Variants in TRAF3 observed in about 807,000 individuals in gnomAD.
TRAF3 encodes the protein TNF receptor associated factor 3.
Under a neutral mutation model 62.3 loss-of-function variants are expected in TRAF3, and 13 were observed. The observed-to-expected ratio is 0.21, with a 90% CI of 0.14 to 0.33. The LOEUF is 0.33. TRAF3 is among the 10% of genes least tolerant of loss of function. TRAF3 has a pLI of 1.00. For missense variants in TRAF3, 440 were observed against 741.8 expected (o/e 0.59, Z 4.73); for synonymous variants, 269 against 283.4 (o/e 0.95, Z 0.51).
chr14:102,806,973 C>T (rs1460317733), intron 1 of TRAF3, among the ~76,000 whole-genome samples: 2 of 152,134 alleles, frequency 1.3e-5, no homozygotes. Context: ...GGGAGCATTT[C>T]TTGGTCCCTC....
chr14:102,903,939 A>G lies in TRAF3; in HGVS notation c.1135+510A>G. ...GAGGATTAATGGCAGAAAGGAACACAGATTACCGGTGTGTGTGTGGGGCCG... is the reference window on the plus strand; with the variant it reads ...GAGGATTAATGGCAGAAAGGAACACGGATTACCGGTGTGTGTGTGGGGCCG... On this transcript the variant is annotated intron_variant, in intron 11 of 11. Coordinates refer to ENST00000392745, the MANE Select transcript of TRAF3 (RefSeq NM_145725.3). The surrounding 1 kb of genome is among the most constrained non-coding windows in gnomAD (Gnocchi z 6.4). 1 of 390,602 alleles carries G rather than the reference A, an allele frequency of 2.6e-6. No individual in the cohort carries two copies. Among genetic ancestry groups the G allele is most frequent in the South Asian group, 1.9e-5 (1 of 53,778 alleles). The allele number at this position is 390,602 out of a possible 1,614,324, so 24.2% of individuals were successfully genotyped here.
intron 1 of TRAF3, among the ~76,000 whole-genome samples, chr14:102,804,677 G>C (rs1201253960): frequency 3.9e-5 from 6 of 152,080 alleles, no homozygotes; most frequent in Non-Finnish European, 1.5e-5. Flanking sequence ...TGTAGCGACA[G>C]GGTTTTGCTA....
In TRAF3 at chr14:102,903,197, G is replaced by A; in HGVS notation, c.961-58G>A. 1 of 1,610,742 alleles carries A rather than the reference G, an allele frequency of 6.2e-7. No homozygotes were observed. Among genetic ancestry groups the A allele is most frequent in the Non-Finnish European group, 8.5e-7 (1 of 1,177,108 alleles). On this transcript the variant is annotated intron_variant, in intron 10 of 11. Coordinates refer to ENST00000392745, the MANE Select transcript of TRAF3 (RefSeq NM_145725.3). This position sits in a 1 kb window ranked among gnomAD's most constrained non-coding sequence, Gnocchi z 6.4. ...GCCTGTCTGTATTTGATGGAAGGTG[G>A]TGCAGCATTTTCCGAGTCCTAACTG...
chr14:102,844,218 G>C (rs1383379489), intron 2 of TRAF3, among the ~76,000 whole-genome samples: 1 of 152,228 alleles, frequency 6.6e-6, no homozygotes, highest in South Asian at 2.1e-4. Flanking sequence ...CTGAGTATGT[G>C]ATTGTATCAA....
intron 2 of TRAF3, among the ~76,000 whole-genome samples, chr14:102,844,345 G>C (rs549677071): frequency 6.6e-6 from 1 of 152,304 alleles, no homozygotes; most frequent in Admixed American, 6.5e-5. Context: ...AGCTATAGAT[G>C]GTTCACTTGG....
At chr14:102,809,965 G>A (rs929840122) in intron 1 of TRAF3, among the ~76,000 whole-genome samples, 29 of 152,272 alleles carry the variant, frequency 1.9e-4, no homozygotes, top group African/African-American at 6.3e-4. Flanking sequence ...CAAAAACGTT[G>A]GAGCACGGCA....
At chr14:102,790,629 G>A (rs932339003) in intron 1 of TRAF3, among the ~76,000 whole-genome samples, 5 of 152,126 alleles carry the variant, frequency 3.3e-5, no homozygotes, top group African/African-American at 1.2e-4. Context: ...TTACTATCAT[G>A]AGAACAGCAC....
intron 2 of TRAF3, among the ~76,000 whole-genome samples, chr14:102,869,673 G>A (rs939681193): frequency 4.0e-5 from 6 of 151,886 alleles, no homozygotes; most frequent in Admixed American, 3.3e-4. Flanking sequence ...AGGTGTGGTG[G>A]TGGCCGCCTG....
At chr14:102,778,938 T>C (rs996438921) in intron 1 of TRAF3, among the ~76,000 whole-genome samples, 9 of 152,244 alleles carry the variant, frequency 5.9e-5, no homozygotes, top group African/African-American at 2.2e-4. Context: ...TACAGCGTTC[T>C]TTTCTCAAAT....
Position 102,830,414 on chromosome 14 carries a change from A to ACCTGGCT in TRAF3, c.-59_-53dup, listed in dbSNP as rs1295190812. The stretch of plus-strand genomic sequence containing the variant: ...GTCAGAATCAGACCTAGGATCAGAA[A>ACCTGGCT]CCTGGCTCCTGGCTCCTGGCTCCCT... On this transcript the variant is annotated 5_prime_UTR_variant, in exon 2 of 12. Coordinates refer to ENST00000392745, the MANE Select transcript of TRAF3 (RefSeq NM_145725.3). 6.6e-6 allele frequency: 1 copy of ACCTGGCT among 152,126 alleles called. No individual in the cohort carries two copies. The highest frequency in any genetic ancestry group is 2.4e-5 in the African/African-American group (1 of 41,410). The allele number at this position is 152,126 out of a possible 1,614,324, so 9.4% of individuals were successfully genotyped here.
intron 2 of TRAF3, among the ~76,000 whole-genome samples, chr14:102,853,298 A>G (rs1209255451): frequency 6.6e-6 from 1 of 151,852 alleles, no homozygotes; most frequent in Non-Finnish European, 1.5e-5. Context: ...TGACCTCCCA[A>G]AGTGCTGGGA....
intron 8 of TRAF3, among the ~76,000 whole-genome samples, chr14:102,890,312 A>G (rs1364835339): frequency 6.6e-6 from 1 of 152,386 alleles, no homozygotes; most frequent in Middle Eastern, 3.4e-3. Flanking sequence ...ATCAAGAGGC[A>G]GTATATGTTA....
Position 102,780,013 on chromosome 14 carries a change from T to G in TRAF3, c.-157+2338T>G, listed in dbSNP as rs114133605. On this transcript the variant is annotated intron_variant, in intron 1 of 11. Coordinates refer to ENST00000392745, the MANE Select transcript of TRAF3 (RefSeq NM_145725.3). Reference sequence around the variant, plus strand: ...GCGAGTGTTCATGGAGGAAGAAAAATCACTTGGTGTTCTTTTTTTGCATGG... The same window carrying G: ...GCGAGTGTTCATGGAGGAAGAAAAAGCACTTGGTGTTCTTTTTTTGCATGG... Among the ~76,000 whole-genome samples, 297 of 152,308 alleles carry G rather than the reference T, an allele frequency of 1.9e-3. 1 individual carries two copies. Among genetic ancestry groups the G allele is most frequent in the African/African-American group, 7.0e-3 (291 of 41,580 alleles).
chr14:102,899,455 GT>G (rs1890167692), intron 10 of TRAF3, among the ~76,000 whole-genome samples: 1 of 152,148 alleles, frequency 6.6e-6, no homozygotes, highest in Admixed American at 6.5e-5. Context: ...AAATCTTACT[GT>G]GGCCCAGAAA....
chr14:102,871,938 A>C lies in TRAF3; in HGVS notation c.267A>C (p.Thr89=), dbSNP rs147871145. The change falls in exon 4 of 12, where the codon ACA becomes ACC. Residue 89 remains threonine (T), a synonymous_variant. Coordinates refer to ENST00000392745, the MANE Select transcript of TRAF3 (RefSeq NM_145725.3). ...GCAGCTCTTCAAGTCCAAAATGTAC[A>C]GCGTGTCAAGAGAGCATCGTTAAAG... ...ALLSSSSPKC[T]ACQESIVKDK... is the part of the protein sequence containing the mutation. The C allele has an allele frequency of 8.7e-6, 14 of 1,614,084 alleles. No homozygotes were observed. Among genetic ancestry groups the C allele is most frequent in the Non-Finnish European group, 1.2e-5 (14 of 1,180,038 alleles).
chr14:102,903,163 C>A lies in TRAF3; in HGVS notation c.961-92C>A. The A allele has an allele frequency of 6.3e-7, 1 of 1,581,822 alleles. No individual in the cohort carries two copies. Among genetic ancestry groups the A allele is most frequent in the Non-Finnish European group, 8.7e-7 (1 of 1,151,814 alleles). ...CCTCATACAGGGGCCTCTGACTGTT[C>A]TGCTCCTAGCCTGTCTGTATTTGAT... On this transcript the variant is annotated intron_variant, in intron 10 of 11. Coordinates refer to ENST00000392745, the MANE Select transcript of TRAF3 (RefSeq NM_145725.3). The surrounding 1 kb of genome is among the most constrained non-coding windows in gnomAD (Gnocchi z 6.4).
chr14:102,813,415 C>G (rs1458840874), intron 1 of TRAF3, among the ~76,000 whole-genome samples: 1 of 151,754 alleles, frequency 6.6e-6, no homozygotes, highest in African/African-American at 2.4e-5. Flanking sequence ...AATGTCTGTT[C>G]AGGTAATCCC....
At chr14:102,808,037 A>G (rs1898877893) in intron 1 of TRAF3, among the ~76,000 whole-genome samples, 1 of 152,220 alleles carries the variant, frequency 6.6e-6, no homozygotes, top group Non-Finnish European at 1.5e-5. Context: ...TTAGAGGTGA[A>G]GGAATGCATG....
chr14:102,789,639 A>G lies in TRAF3; in HGVS notation c.-157+11964A>G, dbSNP rs558542809. ...GTGTGTGTGTGGTATGTGTATATGT[A>G]TGTATATATTTTTGTTTAAAGCTAT... On this transcript the variant is annotated intron_variant, in intron 1 of 11. Coordinates refer to ENST00000392745, the MANE Select transcript of TRAF3 (RefSeq NM_145725.3). Among the ~76,000 whole-genome samples the G allele has an allele frequency of 5.3e-3, 802 of 151,014 alleles. 6 individuals are homozygous for G. Among genetic ancestry groups the G allele is most frequent in the Admixed American group, 1.0e-2 (151 of 15,120 alleles).
Sources: gnomAD v4.1 joint callset for allele counts (sites outside exome capture counted in the v4.1 genomes callset) on GRCh38, gnomAD v4.1.1 for gene constraint, Gnocchi (gnomAD v3.1) non-coding constraint, MANE v1.5 for transcripts, NCBI Gene and HGNC (gene_info 2026-07-23, HGNC 2026-07-21) for gene names.